DOCK3: variants seen among roughly 807,000 people sequenced by gnomAD.
The protein encoded by DOCK3 is dedicator of cytokinesis 3, also known as dedicator of cytokinesis protein 3.
In DOCK3, 60 loss-of-function variants were observed where a neutral mutation model predicts 265.6. The ratio of observed to expected loss-of-function variants is 0.23; its 90% confidence interval spans 0.18 to 0.28. The LOEUF is 0.28. Ranked by LOEUF, DOCK3 falls within the 10% of genes least tolerant of loss-of-function variation. The pLI, the probability that DOCK3 is intolerant of heterozygous loss-of-function variation, is 1.00. For missense variants in DOCK3, 1,981 were observed against 2,594.3 expected, an observed-to-expected ratio of 0.76 and a Z score of 5.14; for synonymous variants, 881 against 938.0, an observed-to-expected ratio of 0.94 and a Z score of 1.11.
chr3:50,872,252 G>A (rs1421601570), intron 3 of DOCK3, among the ~76,000 whole-genome samples: 1 of 152,224 alleles, frequency 6.6e-6, no homozygotes, highest in Non-Finnish European at 1.5e-5. Flanking sequence ...CTTTAGGGGG[G>A]ACCCCAAGTC....
At chr3:51,335,389 T>C (rs1016179652) in intron 35 of DOCK3, among the ~76,000 whole-genome samples, 1 of 152,214 alleles carries the variant, frequency 6.6e-6, no homozygotes, top group Non-Finnish European at 1.5e-5. Flanking sequence ...GGTTTCTCTG[T>C]ATGCTGTGTT....
In DOCK3 at chr3:51,002,512, C is replaced by T. The variant is rs368513454; in HGVS notation, c.316-61936C>T. 1.1e-3 allele frequency among the ~76,000 whole-genome samples: 174 copies of T among 152,250 alleles called. 1 individual carries two copies. The Middle Eastern group carries it at 0.041, about 36-fold the overall frequency. ...TATCATGACTGAATTCTTAGCTTAT[C>T]CACAGCTTATAAAGATTTTCTCCTG... On this transcript the variant is annotated intron_variant, in intron 5 of 52. Coordinates refer to ENST00000266037, the MANE Select transcript of DOCK3 (RefSeq NM_004947.5).
intron 5 of DOCK3, among the ~76,000 whole-genome samples, chr3:51,057,830 T>C (rs1381551280): frequency 6.6e-6 from 1 of 152,230 alleles, no homozygotes; most frequent in Non-Finnish European, 1.5e-5. Flanking sequence ...TTAATCCATT[T>C]CCTTCTTTGT....
chr3:51,164,299 C>T (rs1336512643), intron 12 of DOCK3, among the ~76,000 whole-genome samples: 1 of 152,172 alleles, frequency 6.6e-6, no homozygotes, highest in Admixed American at 6.5e-5. Flanking sequence ...ATTAACATAA[C>T]TTACCCGAAC....
rs1225384925 is a variant in DOCK3 at position 51,080,852 on chromosome 3, A to C, written c.549+5412A>C. Among the ~76,000 whole-genome samples the C allele has an allele frequency of 2.0e-5, 3 of 152,054 alleles. No homozygotes were observed. In the East Asian group the frequency reaches 5.8e-4, roughly 29 times the overall value. ...ATTTTAGTCTAGTAACCTTCCAGTG[A>C]GATATGGTCAGTAAACCACAGAAAA... On this transcript the variant is annotated intron_variant, in intron 7 of 52. Coordinates refer to ENST00000266037, the MANE Select transcript of DOCK3 (RefSeq NM_004947.5).
At chr3:51,209,611 A>T (rs1414242808) in intron 13 of DOCK3, among the ~76,000 whole-genome samples, 4 of 152,220 alleles carry the variant, frequency 2.6e-5, no homozygotes, top group Non-Finnish European at 5.9e-5. Flanking sequence ...AACCTCTTTT[A>T]CATAATCTTC....
intron 2 of DOCK3, among the ~76,000 whole-genome samples, chr3:50,814,322 A>G (rs1181334638): frequency 6.6e-6 from 1 of 152,142 alleles, no homozygotes; most frequent in Non-Finnish European, 1.5e-5. Context: ...GCTGGAGTTC[A>G]GTGGAGCAAT....
intron 5 of DOCK3, among the ~76,000 whole-genome samples, chr3:51,023,220 A>G (rs556792740): frequency 6.7e-6 from 1 of 148,930 alleles, no homozygotes; most frequent in Admixed American, 6.7e-5. Flanking sequence ...ATAATCTCAT[A>G]TTTCTTGGAG....
chr3:51,148,874 G>C (rs994188297), intron 10 of DOCK3, among the ~76,000 whole-genome samples: 2 of 152,092 alleles, frequency 1.3e-5, no homozygotes, highest in Non-Finnish European at 2.9e-5. Flanking sequence ...TTCCAATTCT[G>C]TGAAGAAAGT....
At chr3:51,334,216 A>G (rs944064693) in intron 35 of DOCK3, among the ~76,000 whole-genome samples, 1 of 152,154 alleles carries the variant, frequency 6.6e-6, no homozygotes, top group Non-Finnish European at 1.5e-5. Flanking sequence ...TCCAAACATG[A>G]CAATGAAGCC....
intron 1 of DOCK3, among the ~76,000 whole-genome samples, chr3:50,691,397 G>A (rs1272782383): frequency 2.0e-5 from 3 of 152,068 alleles, no homozygotes; most frequent in South Asian, 2.1e-4. Context: ...TTAGAACTTC[G>A]TTCCTTCTTA....
intron 3 of DOCK3, among the ~76,000 whole-genome samples, chr3:50,876,371 A>G (rs2047701654): frequency 6.6e-6 from 1 of 152,170 alleles, no homozygotes; most frequent in Non-Finnish European, 1.5e-5. Context: ...AGAAAAATAT[A>G]TGAACTAACA....
intron 10 of DOCK3, among the ~76,000 whole-genome samples, chr3:51,154,871 T>C (rs2085769398): frequency 6.6e-6 from 1 of 152,220 alleles, no homozygotes; most frequent in Admixed American, 6.5e-5. Flanking sequence ...GCACATAACA[T>C]GCATGATGTG....
chr3:51,146,747 A>C (rs1268395243), intron 10 of DOCK3, 117 bp downstream of exon 10: 2 of 811,552 alleles, frequency 2.5e-6, no homozygotes, highest in African/African-American at 1.7e-5. Context: ...ACTGGGGAGA[A>C]TAGGACTTGA....
intron 16 of DOCK3, 114 bp downstream of exon 16, chr3:51,227,559 A>G (rs1576465791): frequency 7.0e-7 from 1 of 1,435,546 alleles, no homozygotes; most frequent in Non-Finnish European, 9.4e-7. Flanking sequence ...AGAGTTAGGA[A>G]TAAACAGCTA....
At chr3:50,771,406 AC>A (rs2041266402) in intron 1 of DOCK3, among the ~76,000 whole-genome samples, 1 of 152,212 alleles carries the variant, frequency 6.6e-6, no homozygotes, top group African/African-American at 2.4e-5. Context: ...ATACCATCTC[AC>A]CCAAGTTAAA....
At chr3:51,248,350 G>A (rs985120683) in intron 22 of DOCK3, among the ~76,000 whole-genome samples, 20 of 152,244 alleles carry the variant, frequency 1.3e-4, no homozygotes, top group Non-Finnish European at 2.4e-4. Flanking sequence ...GCGCTGCCAC[G>A]CCTGACTGGT....
chr3:50,741,811 A>G (rs1186735920), intron 1 of DOCK3, among the ~76,000 whole-genome samples: 1 of 152,122 alleles, frequency 6.6e-6, no homozygotes, highest in African/African-American at 2.4e-5. Flanking sequence ...GGCTGGGTCA[A>G]ATGGTATTTC....
chr3:51,328,147 A>C (rs2084273849), intron 32 of DOCK3, among the ~76,000 whole-genome samples: 1 of 152,218 alleles, frequency 6.6e-6, no homozygotes, highest in East Asian at 1.9e-4. Flanking sequence ...GATCTCTGGT[A>C]AAACTGCTGC....
Sources: allele counts gnomAD v4.1 joint callset (sites outside exome capture counted in the v4.1 genomes callset), GRCh38; gene constraint gnomAD v4.1.1; transcripts MANE v1.5; gene names NCBI Gene and HGNC (gene_info 2026-07-23, HGNC 2026-07-21).